Variants in LLGL2 observed in about 807,000 individuals in gnomAD.
LLGL2 encodes LLGL2, scribble cell polarity complex component.
LLGL2 carries 81 observed loss-of-function variants against 123.2 expected under a neutral mutation model. That is an observed-to-expected ratio of 0.66 (90% confidence interval 0.55 to 0.79). The LOEUF (loss-of-function observed/expected upper bound fraction) is 0.79. Among genes scored for constraint, LLGL2 ranks in the 30% least tolerant of loss-of-function variants. LLGL2 has a pLI of 0.00. For missense variants in LLGL2, 1,273 were observed against 1,414.6 expected, an observed-to-expected ratio of 0.90 and a Z score of 1.61; for synonymous variants, 577 against 594.1, an observed-to-expected ratio of 0.97 and a Z score of 0.42.
chr17:75,563,045 T>C lies in LLGL2; in HGVS notation c.560T>C (p.Val187Ala). 6.2e-7 allele frequency: 1 copy of C among 1,612,816 alleles called. No homozygotes were observed. Among genetic ancestry groups the C allele is most frequent in the South Asian group, 1.1e-5 (1 of 91,088 alleles). Residue 187 changes from valine to alanine, a missense_variant, in exon 7 of 26, where the codon GTG (valine) becomes GCG (alanine). Val to Ala is a moderately conservative substitution (Grantham distance 64, BLOSUM62 0). Coordinates refer to ENST00000392550, the MANE Select transcript of LLGL2 (RefSeq NM_001031803.2). The part of the protein sequence containing the change: ...RLPEEARHRR[V>A]FEMVEALQEH... ...CCAGAGGAGGCCCGCCACCGGCGTG[T>C]GTTCGAGATGGTGGAGGCACTGCAG...
chr17:75,570,174 C>CTT lies in LLGL2; in HGVS notation c.1794_1795insTT (p.Glu599LeufsTer126), dbSNP rs2055632420. The CTT allele has an allele frequency of 6.3e-7, 1 of 1,596,256 alleles. No homozygotes were observed. Among genetic ancestry groups the CTT allele is most frequent in the Non-Finnish European group, 8.5e-7 (1 of 1,172,698 alleles). ...GTGGTCACCTCCTTGGCCCTGCACTCTGAGTGGCGGCTCGTGGCCTTCGGC... is the reference window on the plus strand; with the variant it reads ...GTGGTCACCTCCTTGGCCCTGCACTCTTTGAGTGGCGGCTCGTGGCCTTCGGC... On this transcript the variant is annotated frameshift_variant, in exon 15 of 26. Transcript: ENST00000392550. LOFTEE classifies it high-confidence loss of function.
intron 6 of LLGL2, among the ~76,000 whole-genome samples, chr17:75,562,032 A>C (rs2055241993): frequency 6.6e-6 from 1 of 152,180 alleles, no homozygotes; most frequent in Non-Finnish European, 1.5e-5. Context: ...CCAGATATAG[A>C]TAATGTGGAG....
chr17:75,529,114 C>T (rs938482214), intron 1 of LLGL2, among the ~76,000 whole-genome samples: 2 of 149,414 alleles, frequency 1.3e-5, no homozygotes, highest in African/African-American at 2.5e-5. Context: ...CGAGATCGTG[C>T]GATTGCACTC....
At chr17:75,553,662 T>C (rs138682028) in intron 2 of LLGL2, among the ~76,000 whole-genome samples, 65 of 152,346 alleles carry the variant, frequency 4.3e-4, no homozygotes, top group African/African-American at 1.5e-3. Flanking sequence ...AGCATCGCTT[T>C]GTGCTGTTCT....
At chr17:75,532,048 G>C (rs959364820) in intron 1 of LLGL2, among the ~76,000 whole-genome samples, 15 of 95,564 alleles carry the variant, frequency 1.6e-4, no homozygotes, top group African/African-American at 4.6e-4. Flanking sequence ...TTATATATAT[G>C]TATATATACA....
chr17:75,572,810 A>G (rs2055784131), intron 19 of LLGL2, among the ~76,000 whole-genome samples: 1 of 150,136 alleles, frequency 6.7e-6, no homozygotes, highest in South Asian at 2.1e-4. Context: ...ACAGAGCAAG[A>G]CTCCATCTCG....
intron 2 of LLGL2, among the ~76,000 whole-genome samples, chr17:75,554,590 G>A (rs964630677): frequency 4.0e-5 from 6 of 151,430 alleles, no homozygotes; most frequent in African/African-American, 1.5e-4. Flanking sequence ...GTAGCACCCA[G>A]CCTGGGCAAC....
Position 75,574,845 on chromosome 17 carries a change from T to C in LLGL2, c.3056-26T>C. ...GCACCCCGTCCTGCCCAGGGTGATC[T>C]TGAGCTGTCCCTCTGTGTCCTTCAG... is the stretch of plus-strand genomic sequence containing the variant. On this transcript the variant is annotated intron_variant, in intron 25 of 25. Transcript: ENST00000392550. 3 of 1,613,904 alleles carry C rather than the reference T, an allele frequency of 1.9e-6. No homozygotes were observed. The Admixed American group carries it at 5.0e-5, about 27-fold the overall frequency.
chr17:75,529,629 G>A (rs960058455), intron 1 of LLGL2, among the ~76,000 whole-genome samples: 4 of 152,092 alleles, frequency 2.6e-5, no homozygotes, highest in South Asian at 2.1e-4. Context: ...TTGGGAGACC[G>A]AGGCAGACGG....
chr17:75,532,206 G>T (rs1181143725), intron 1 of LLGL2, among the ~76,000 whole-genome samples: 2 of 150,954 alleles, frequency 1.3e-5, no homozygotes, highest in Non-Finnish European at 1.5e-5. Flanking sequence ...CTCCCCAGTA[G>T]CTGGGATTAC....
In LLGL2 at chr17:75,570,124, G is replaced by A; in HGVS notation, c.1743G>A (p.Val581=). 6.3e-7 allele frequency: 1 copy of A among 1,599,882 alleles called. No homozygotes were observed. The highest frequency in any genetic ancestry group is 1.1e-5 in the South Asian group (1 of 89,462). Residue 581 remains valine, a synonymous_variant, in exon 15 of 26, where the codon GTG becomes GTA. Transcript: ENST00000392550. The stretch of plus-strand genomic sequence containing the variant: ...TTGAGCCTGGCTTTCAGCCCTTCGT[G>A]TTGGTGCAGTGTCAGCCCCCGGCTG... ...VRFEPGFQPF[V]LVQCQPPAVV...
chr17:75,568,913 G>A (rs778495578), intron 12 of LLGL2, 65 bp from the exon 13 acceptor site: 26 of 1,574,406 alleles, frequency 1.7e-5, no homozygotes, highest in Admixed American at 7.0e-5. Context: ...TGAGGTGGAC[G>A]AGCCAGCCCC....
chr17:75,553,576 T>G (rs1471722107), intron 2 of LLGL2, among the ~76,000 whole-genome samples: 2 of 152,182 alleles, frequency 1.3e-5, no homozygotes, highest in Non-Finnish European at 2.9e-5. Context: ...GGAGGCTGCC[T>G]CATTGTTGGG....
intron 2 of LLGL2, among the ~76,000 whole-genome samples, chr17:75,554,267 A>C (rs2054802547): frequency 7.0e-6 from 1 of 143,830 alleles, no homozygotes; most frequent in East Asian, 2.0e-4. Context: ...GCACCATTGC[A>C]CTCCAGGCTG....
At chr17:75,555,164 G>A (rs1166849878) in intron 2 of LLGL2, among the ~76,000 whole-genome samples, 4 of 149,620 alleles carry the variant, frequency 2.7e-5, no homozygotes, top group Non-Finnish European at 4.4e-5. Flanking sequence ...GCAACAGAGC[G>A]AGATTCCATC....
Position 75,556,152 on chromosome 17 carries a change from C to G in LLGL2, c.173+9C>G. ...TCTGGAGCCATCAAGCTGTATCCTC[C>G]GTCCCCTCGCTCCCACTCGGGCAGG... On this transcript the variant is annotated intron_variant, in intron 3 of 25. Coordinates refer to ENST00000392550, the MANE Select transcript of LLGL2 (RefSeq NM_001031803.2). The G allele has an allele frequency of 6.2e-7, 1 of 1,603,556 alleles. No individual in the cohort carries two copies.
Position 75,558,865 on chromosome 17 carries a change from C to CGTGTTAT in LLGL2, c.371+239_371+240insTGTTATG. On this transcript the variant is annotated intron_variant, in intron 5 of 25. Transcript: ENST00000392550. This position sits in a 1 kb window ranked among gnomAD's most constrained non-coding sequence, Gnocchi z 4.0. ...CACCCCACCTCCTCCATCCGCACCC[C>CGTGTTAT]GCCTCCTCCATCCGCACCCCACCTC... 4.4e-6 allele frequency: 1 copy of CGTGTTAT among 226,252 alleles called. No homozygotes were observed. The allele number at this position is 226,252 out of a possible 1,614,324, so 14.0% of individuals were successfully genotyped here.
intron 1 of LLGL2, among the ~76,000 whole-genome samples, chr17:75,533,374 G>A (rs1198214505): frequency 7.5e-6 from 1 of 133,424 alleles, no homozygotes; most frequent in Admixed American, 8.5e-5. Flanking sequence ...GCACGATCTC[G>A]GCTCACTGCA....
At chr17:75,557,811 T>C (rs1362194266) in intron 3 of LLGL2, 16 of 374,010 alleles carry the variant, frequency 4.3e-5, no homozygotes, top group Non-Finnish European at 3.1e-5. Flanking sequence ...CCGTGTGTTT[T>C]TTCACAGGTG....
Sources: allele counts gnomAD v4.1 joint callset (sites outside exome capture counted in the v4.1 genomes callset), GRCh38; gene constraint gnomAD v4.1.1; non-coding constraint Gnocchi (gnomAD v3.1); transcripts MANE v1.5; gene names NCBI Gene and HGNC (gene_info 2026-07-23, HGNC 2026-07-21).